The following LHFPL6 variants were observed in gnomAD, a reference collection of about 807,000 sequenced individuals.
LHFPL6 encodes LHFPL tetraspan subfamily member 6, also known as LHFPL tetraspan subfamily member 6 protein.
In LHFPL6, 9 loss-of-function variants were observed where a neutral mutation model predicts 20.6. That is an observed-to-expected ratio of 0.44 (90% CI 0.26 to 0.76). The LOEUF (loss-of-function observed/expected upper bound fraction) is 0.76, where lower values mean the gene tolerates loss of function less well. LHFPL6 is among the 30% of genes least tolerant of loss of function. LHFPL6 has a pLI of 0.20. For synonymous variants in LHFPL6, 105 were observed against 98.7 expected (o/e 1.06, Z -0.38); for missense variants, 218 against 253.5 (o/e 0.86, Z 0.95).
intron 2 of LHFPL6, among the ~76,000 whole-genome samples, chr13:39,479,110 T>C (rs1050279323): frequency 5.3e-5 from 7 of 131,086 alleles, no homozygotes; most frequent in African/African-American, 1.7e-4. Flanking sequence ...TCTACCTATC[T>C]ATCCATCCAT....
At chr13:39,347,797 A>G (rs1869449641) in intron 3 of LHFPL6, among the ~76,000 whole-genome samples, 1 of 152,208 alleles carries the variant, frequency 6.6e-6, no homozygotes, top group South Asian at 2.1e-4. Flanking sequence ...GAGATGGCCA[A>G]TCGTGTAGAA....
chr13:39,538,369 A>G (rs568078812), intron 2 of LHFPL6, among the ~76,000 whole-genome samples: 74 of 151,200 alleles, frequency 4.9e-4, no homozygotes, highest in Non-Finnish European at 7.8e-4. Context: ...ACAAATCTTC[A>G]GATCTGATGC....
At chr13:39,408,050 G>A (rs1216305230) in intron 2 of LHFPL6, among the ~76,000 whole-genome samples, 1 of 152,090 alleles carries the variant, frequency 6.6e-6, no homozygotes, top group Non-Finnish European at 1.5e-5. Context: ...TACCTGACAT[G>A]GTCTAAAGCA....
At chr13:39,452,963 A>T (rs576702598) in intron 2 of LHFPL6, among the ~76,000 whole-genome samples, 1 of 152,254 alleles carries the variant, frequency 6.6e-6, no homozygotes, top group Admixed American at 6.5e-5. Context: ...AGAGATTGTT[A>T]CTTTTGCCAG....
At chr13:39,369,146 A>G (rs1159162057) in intron 3 of LHFPL6, among the ~76,000 whole-genome samples, 2 of 151,650 alleles carry the variant, frequency 1.3e-5, no homozygotes, top group Non-Finnish European at 2.9e-5. Context: ...AAGAGAGACT[A>G]GCATATTCTC....
chr13:39,391,612 C>T (rs1475431105), intron 2 of LHFPL6, among the ~76,000 whole-genome samples: 1 of 152,076 alleles, frequency 6.6e-6, no homozygotes, highest in Non-Finnish European at 1.5e-5. Context: ...CTAACTTCTA[C>T]TAACTTTTCA....
chr13:39,560,786 A>G (rs9576861), intron 2 of LHFPL6, among the ~76,000 whole-genome samples: 3,187 of 152,164 alleles, frequency 0.021, 137 homozygotes, highest in East Asian at 0.15. Context: ...AAGTGCTAGG[A>G]TTACAGGCGT....
intron 2 of LHFPL6, among the ~76,000 whole-genome samples, chr13:39,534,347 T>A (rs1183333231): frequency 6.6e-6 from 1 of 151,944 alleles, no homozygotes; most frequent in Non-Finnish European, 1.5e-5. Context: ...GTAAGCCATT[T>A]TGCATAGTAC....
chr13:39,467,011 T>C (rs761927931), intron 2 of LHFPL6, among the ~76,000 whole-genome samples: 3 of 152,204 alleles, frequency 2.0e-5, no homozygotes, highest in Non-Finnish European at 4.4e-5. Flanking sequence ...ATAAAACACA[T>C]GGGTGTGCCA....
intron 2 of LHFPL6, among the ~76,000 whole-genome samples, chr13:39,525,487 C>A (rs1299002262): frequency 1.3e-5 from 2 of 152,088 alleles, no homozygotes; most frequent in Non-Finnish European, 2.9e-5. Flanking sequence ...TATTTTAAGA[C>A]TTCATGTGAG....
chr13:39,573,915 C>T (rs1402959141), intron 2 of LHFPL6, among the ~76,000 whole-genome samples: 2 of 152,024 alleles, frequency 1.3e-5, no homozygotes, highest in African/African-American at 2.4e-5. Context: ...CCATATATCG[C>T]CAGGTTTACA....
chr13:39,427,477 T>G (rs539245421), intron 2 of LHFPL6, among the ~76,000 whole-genome samples: 1 of 152,244 alleles, frequency 6.6e-6, no homozygotes, highest in South Asian at 2.1e-4. Flanking sequence ...AGAGTTTTTA[T>G]CAGTTATAGC....
At chr13:39,413,465 T>TTG (rs1871279948) in intron 2 of LHFPL6, among the ~76,000 whole-genome samples, 3 of 139,760 alleles carry the variant, frequency 2.1e-5, no homozygotes, top group South Asian at 4.6e-4. Context: ...GAATTGGGGG[T>TTG]AGGGGGGGTG....
At position 39,453,388 on chromosome 13, in the gene LHFPL6, G is replaced by A. The variant is rs567036445; in HGVS notation, c.386-74862C>T. Among the ~76,000 whole-genome samples, 27 of 152,298 alleles carry A rather than the reference G, an allele frequency of 1.8e-4. 1 individual carries two copies. The South Asian group carries it at 5.6e-3, about 32-fold the overall frequency. ...GGCTTATGTAGTATTTCTACTGTGAGTAGCCTTGAAGTATATCATGATGGG... is the reference window on the plus strand; with the variant it reads ...GGCTTATGTAGTATTTCTACTGTGAATAGCCTTGAAGTATATCATGATGGG... On this transcript the variant is annotated intron_variant, in intron 2 of 3. Coordinates refer to ENST00000379589, the MANE Select transcript of LHFPL6 (RefSeq NM_005780.3).
chr13:39,574,081 T>C (rs1213886568), intron 2 of LHFPL6, among the ~76,000 whole-genome samples: 3 of 152,198 alleles, frequency 2.0e-5, no homozygotes, highest in Non-Finnish European at 4.4e-5. Context: ...TGATCCATAT[T>C]TGAATTCCAG....
intron 2 of LHFPL6, among the ~76,000 whole-genome samples, chr13:39,503,996 T>C (rs1282765745): frequency 2.0e-5 from 3 of 152,226 alleles, no homozygotes; most frequent in Non-Finnish European, 2.9e-5. Flanking sequence ...AGTTTTGGTA[T>C]ATCATTCCAT....
chr13:39,520,034 T>C (rs1870055951), intron 2 of LHFPL6, among the ~76,000 whole-genome samples: 1 of 152,272 alleles, frequency 6.6e-6, no homozygotes, highest in South Asian at 2.1e-4. Context: ...GGAAGTGGGA[T>C]GTTTCAGGAT....
At chr13:39,471,509 C>T (rs762706912) in intron 2 of LHFPL6, among the ~76,000 whole-genome samples, 8 of 152,160 alleles carry the variant, frequency 5.3e-5, no homozygotes, top group African/African-American at 1.9e-4. Flanking sequence ...ACAGCCCAAC[C>T]AGGACATTCT....
intron 2 of LHFPL6, among the ~76,000 whole-genome samples, chr13:39,394,452 A>G (rs1173227519): frequency 6.6e-6 from 1 of 152,214 alleles, no homozygotes; most frequent in Non-Finnish European, 1.5e-5. Context: ...CAAATGTAAT[A>G]GTTGAAAGGC....
Sources: allele counts gnomAD v4.1 joint callset (sites outside exome capture counted in the v4.1 genomes callset), GRCh38; gene constraint gnomAD v4.1.1; transcripts MANE v1.5; gene names NCBI Gene and HGNC (gene_info 2026-07-23, HGNC 2026-07-21).